Variants in XRCC4 observed in about 807,000 individuals in gnomAD.
The protein encoded by XRCC4 is DNA repair protein XRCC4.
XRCC4 carries 28 observed loss-of-function variants against 39.1 expected under a neutral mutation model. The ratio of observed to expected loss-of-function variants is 0.72; its 90% confidence interval spans 0.53 to 0.98. The LOEUF is 0.98. Ranked by LOEUF, XRCC4 falls within the 50% of genes least tolerant of loss-of-function variation. XRCC4 has a pLI of 0.00. For synonymous variants in XRCC4, 123 were observed against 126.4 expected (o/e 0.97, Z 0.18); for missense variants, 350 against 376.4 (o/e 0.93, Z 0.58).
intron 7 of XRCC4, among the ~76,000 whole-genome samples, chr5:83,315,971 G>C (rs1308284591): frequency 6.6e-6 from 1 of 152,082 alleles, no homozygotes; most frequent in Non-Finnish European, 1.5e-5. Flanking sequence ...ATGGATCTTC[G>C]CAAAGTAAAT....
chr5:83,155,534 G>T (rs1383689789), intron 3 of XRCC4, among the ~76,000 whole-genome samples: 1 of 152,074 alleles, frequency 6.6e-6, no homozygotes, highest in Admixed American at 6.6e-5. Flanking sequence ...AATCTTGAAC[G>T]CTGTCCTCAG....
intron 6 of XRCC4, among the ~76,000 whole-genome samples, chr5:83,256,752 T>G (rs1753556701): frequency 6.6e-6 from 1 of 152,146 alleles, no homozygotes; most frequent in Non-Finnish European, 1.5e-5. Flanking sequence ...AAACTATGCT[T>G]TGATGGGCTT....
In XRCC4 at chr5:83,280,490, G is replaced by A. The variant is rs183591358; in HGVS notation, c.893+21813G>A. On this transcript the variant is annotated intron_variant, in intron 7 of 7. Transcript: ENST00000396027. ...GGCAAAATTGAGGTATGTAGTAGAA[G>A]AGTTCTGCTCATCAGTATACCACAG... 633 of 833,934 alleles carry A rather than the reference G, an allele frequency of 7.6e-4. 1 individual carries two copies. The highest frequency in any genetic ancestry group is 5.2e-3 in the Middle Eastern group (15 of 2,888). 51.7% of individuals were successfully genotyped at this position (833,934 alleles called of 1,614,324 possible). A position where few individuals can be genotyped will look rare whatever the true frequency, so the allele number is the denominator to read the frequency against.
chr5:83,216,981 CT>C (rs1272836057), intron 6 of XRCC4, among the ~76,000 whole-genome samples: 2 of 151,310 alleles, frequency 1.3e-5, no homozygotes, highest in Non-Finnish European at 2.9e-5. Flanking sequence ...TTAATAAAAA[CT>C]TTCTAAGAGT....
At chr5:83,108,929 T>C (rs1167131937) in intron 2 of XRCC4, among the ~76,000 whole-genome samples, 1 of 151,508 alleles carries the variant, frequency 6.6e-6, no homozygotes, top group Non-Finnish European at 1.5e-5. Flanking sequence ...ATATTAAATG[T>C]GTCCACTTCC....
chr5:83,087,637 T>A (rs922839842), intron 1 of XRCC4, among the ~76,000 whole-genome samples: 1 of 151,966 alleles, frequency 6.6e-6, no homozygotes, highest in East Asian at 1.9e-4. Context: ...TACTCCAGTC[T>A]GGGTGACAGA....
intron 1 of XRCC4, among the ~76,000 whole-genome samples, chr5:83,082,877 C>A (rs1342383606): frequency 6.6e-6 from 1 of 152,184 alleles, no homozygotes; most frequent in Non-Finnish European, 1.5e-5. Context: ...ACCTCTCTGA[C>A]TACATGTCTT....
At chr5:83,225,762 A>C (rs2112801125) in intron 6 of XRCC4, among the ~76,000 whole-genome samples, 1 of 152,004 alleles carries the variant, frequency 6.6e-6, no homozygotes, top group South Asian at 2.1e-4. Context: ...CCAGGCTATC[A>C]ATTAGCCACT....
intron 1 of XRCC4, among the ~76,000 whole-genome samples, chr5:83,102,143 G>A (rs2112360559): frequency 6.6e-6 from 1 of 152,022 alleles, no homozygotes; most frequent in East Asian, 1.9e-4. Context: ...TGAAGTAATA[G>A]TCTTTGTCTA....
chr5:83,270,611 A>C (rs1023365311), intron 7 of XRCC4, among the ~76,000 whole-genome samples: 1 of 151,786 alleles, frequency 6.6e-6, no homozygotes, highest in Admixed American at 6.6e-5. Flanking sequence ...ACTTCTCCGC[A>C]TGTCTCCAGA....
chr5:83,092,343 C>T (rs1282979420), intron 1 of XRCC4, among the ~76,000 whole-genome samples: 1 of 152,046 alleles, frequency 6.6e-6, no homozygotes, highest in African/African-American at 2.4e-5. Flanking sequence ...CTTTGATGTG[C>T]AGAAGCTTTC....
At chr5:83,099,940 A>T (rs1316322344) in intron 1 of XRCC4, among the ~76,000 whole-genome samples, 1 of 152,178 alleles carries the variant, frequency 6.6e-6, no homozygotes, top group Non-Finnish European at 1.5e-5. Context: ...CTTAAAAGAC[A>T]TTCCAAGTCA....
At chr5:83,219,896 A>G (rs1752015300) in intron 6 of XRCC4, among the ~76,000 whole-genome samples, 2 of 152,124 alleles carry the variant, frequency 1.3e-5, no homozygotes, top group African/African-American at 2.4e-5. Context: ...AAAATTTTAT[A>G]TGAAATATAT....
chr5:83,288,667 G>C (rs1754814940), intron 7 of XRCC4, among the ~76,000 whole-genome samples: 1 of 151,594 alleles, frequency 6.6e-6, no homozygotes, highest in Non-Finnish European at 1.5e-5. Flanking sequence ...CCTTGTTTCT[G>C]TGTATGTAAG....
Position 83,134,035 on chromosome 5 carries a change from G to A in XRCC4, c.315+22832G>A, listed in dbSNP as rs189171145. ...GGTGAGCACGGGCTGGGCAAGCGCC[G>A]CAGTCTTCACGGCCGGCTAGCTCCT... is the stretch of plus-strand genomic sequence containing the variant. On this transcript the variant is annotated intron_variant, in intron 3 of 7. Transcript: ENST00000396027. Among the ~76,000 whole-genome samples the A allele has an allele frequency of 1.3e-4, 20 of 152,324 alleles. No homozygotes were observed. In the East Asian group the frequency reaches 2.9e-3, roughly 22 times the overall value.
chr5:83,103,025 T>TAC (rs1554054084), intron 1 of XRCC4, among the ~76,000 whole-genome samples: 1 of 142,660 alleles, frequency 7.0e-6, no homozygotes, highest in African/African-American at 2.8e-5. Context: ...TATATATATA[T>TAC]ATATATGTCA....
At chr5:83,162,761 C>T (rs1431189859) in intron 3 of XRCC4, among the ~76,000 whole-genome samples, 1 of 152,102 alleles carries the variant, frequency 6.6e-6, no homozygotes, top group East Asian at 1.9e-4. Context: ...ACAATGAATA[C>T]GATGGGAACA....
chr5:83,139,952 T>C (rs534542203), intron 3 of XRCC4, among the ~76,000 whole-genome samples: 6 of 152,356 alleles, frequency 3.9e-5, no homozygotes, highest in Non-Finnish European at 8.8e-5. Flanking sequence ...GTATTTATGT[T>C]AAAAGCCATT....
At chr5:83,141,253 A>G (rs1035568358) in intron 3 of XRCC4, among the ~76,000 whole-genome samples, 6 of 152,174 alleles carry the variant, frequency 3.9e-5, no homozygotes, top group Non-Finnish European at 8.8e-5. Flanking sequence ...CATTATGTAA[A>G]CAACACTGCA....
Sources: allele counts gnomAD v4.1 joint callset (sites outside exome capture counted in the v4.1 genomes callset), GRCh38; gene constraint gnomAD v4.1.1; transcripts MANE v1.5; gene names NCBI Gene and HGNC (gene_info 2026-07-23, HGNC 2026-07-21).